The following IL1RAPL1 variants were observed in gnomAD, a reference collection of about 807,000 sequenced individuals.
IL1RAPL1 encodes interleukin 1 receptor accessory protein like 1, also known as interleukin-1 receptor accessory protein-like 1.
Under a neutral mutation model 48.4 loss-of-function variants are expected in IL1RAPL1, and 3 were observed. The ratio of observed to expected loss-of-function variants is 0.06; its 90% CI spans 0.03 to 0.16. The LOEUF (loss-of-function observed/expected upper bound fraction) is 0.16. IL1RAPL1 is among the 10% of genes least tolerant of loss of function. The pLI, the probability that IL1RAPL1 is intolerant of heterozygous loss-of-function variation, is 1.00. For missense variants in IL1RAPL1, 349 were observed against 530.6 expected (o/e 0.66, Z 3.36); for synonymous variants, 185 against 187.7 (o/e 0.99, Z 0.12).
chrX:29,467,466 G>T (rs937527814), intron 5 of IL1RAPL1, among the ~76,000 whole-genome samples: 1 of 112,439 alleles, frequency 8.9e-6, no homozygotes, highest in African/African-American at 3.2e-5. Context: ...ACTTGCGAAG[G>T]GGTCGCTCAC....
chrX:28,672,839 G>T (rs1164778053), intron 1 of IL1RAPL1, among the ~76,000 whole-genome samples: 1 of 111,136 alleles, frequency 9.0e-6, no homozygotes, highest in Non-Finnish European at 1.9e-5. Flanking sequence ...TACAAGTGCA[G>T]GTTTGTTACA....
rs1184946132 is a variant in IL1RAPL1 at position 29,902,725 on chromosome X, T to TTAAC, written c.779-14737_779-14734dup. ...GTACTATAAATTTATATTAACTTAA[T>TTAAC]TAACTCCAAGTTATTTGTTGTTACT... On this transcript the variant is annotated intron_variant, in intron 6 of 10. Coordinates refer to ENST00000378993, the MANE Select transcript of IL1RAPL1 (RefSeq NM_014271.4). 2.7e-5 allele frequency among the ~76,000 whole-genome samples: 3 copies of TTAAC among 111,777 alleles called. No individual in the cohort carries two copies. In the Admixed American group the frequency reaches 2.9e-4, roughly 11 times the overall value.
intron 2 of IL1RAPL1, among the ~76,000 whole-genome samples, chrX:28,823,281 A>G (rs994555023): frequency 9.0e-6 from 1 of 111,395 alleles, no homozygotes; most frequent in African/African-American, 3.3e-5. Context: ...AACTTATGTG[A>G]TTGTTCATTC....
At chrX:29,633,613 T>G (rs1246220177) in intron 5 of IL1RAPL1, among the ~76,000 whole-genome samples, 1 of 111,948 alleles carries the variant, frequency 8.9e-6, no homozygotes, top group Non-Finnish European at 1.9e-5. Flanking sequence ...AGAAATTTAT[T>G]CCCTCACAGT....
chrX:29,389,962 C>G (rs1213364746), intron 3 of IL1RAPL1, among the ~76,000 whole-genome samples: 1 of 111,813 alleles, frequency 8.9e-6, no homozygotes, highest in Non-Finnish European at 1.9e-5. Context: ...TTAGTAGCTA[C>G]AAACATACTG....
intron 2 of IL1RAPL1, among the ~76,000 whole-genome samples, chrX:29,226,756 G>GA (rs137860355): frequency 0.41 from 43,751 of 106,204 alleles, 9,054 homozygotes; most frequent in Non-Finnish European, 0.62. Context: ...TTTAACAGAT[G>GA]AAAAAAAAAC....
At chrX:28,614,628 C>G (rs753873774) in intron 1 of IL1RAPL1, among the ~76,000 whole-genome samples, 35 of 110,738 alleles carry the variant, frequency 3.2e-4, no homozygotes, top group African/African-American at 1.1e-3. Flanking sequence ...GATGATGGGC[C>G]ACATATGACC....
At chrX:29,155,949 CTAA>C (rs1052899639) in intron 2 of IL1RAPL1, among the ~76,000 whole-genome samples, 1 of 110,233 alleles carries the variant, frequency 9.1e-6, no homozygotes, top group African/African-American at 3.3e-5. Context: ...ATACAGGAAT[CTAA>C]TAATTTATAG....
chrX:29,852,831 G>A (rs777117177), intron 6 of IL1RAPL1, among the ~76,000 whole-genome samples: 4 of 111,818 alleles, frequency 3.6e-5, no homozygotes, highest in Non-Finnish European at 7.5e-5. Context: ...AAACAAAAAT[G>A]AGCAAGGCAA....
intron 1 of IL1RAPL1, among the ~76,000 whole-genome samples, chrX:28,761,086 C>CAA (rs34538764): frequency 0.012 from 1,046 of 89,259 alleles, 19 homozygotes; most frequent in African/African-American, 0.038. Flanking sequence ...GACTCCTTCT[C>CAA]AAAAAAAAAA....
At chrX:28,847,239 G>A (rs1002449905) in intron 2 of IL1RAPL1, among the ~76,000 whole-genome samples, 10 of 110,777 alleles carry the variant, frequency 9.0e-5, no homozygotes, top group Non-Finnish European at 1.9e-4. Flanking sequence ...TTGAAAAGAA[G>A]AGTTGAATGG....
intron 5 of IL1RAPL1, among the ~76,000 whole-genome samples, chrX:29,541,612 G>T (rs903663055): frequency 8.9e-6 from 1 of 111,846 alleles, no homozygotes; most frequent in African/African-American, 3.3e-5. Context: ...GCCATAAAAA[G>T]AATTAAATGT....
intron 5 of IL1RAPL1, among the ~76,000 whole-genome samples, chrX:29,592,690 A>G (rs1464731786): frequency 1.8e-5 from 2 of 111,855 alleles, no homozygotes; most frequent in Non-Finnish European, 3.8e-5. Flanking sequence ...AGTTCCCTAT[A>G]TGAATAATGC....
At chrX:29,789,412 A>T (rs1273738582) in intron 6 of IL1RAPL1, among the ~76,000 whole-genome samples, 1 of 111,482 alleles carries the variant, frequency 9.0e-6, no homozygotes, top group African/African-American at 3.3e-5. Flanking sequence ...TTGAACCCTG[A>T]ACTCATTCAG....
chrX:29,103,957 A>C (rs1351790177), intron 2 of IL1RAPL1, among the ~76,000 whole-genome samples: 1 of 112,034 alleles, frequency 8.9e-6, no homozygotes, highest in Non-Finnish European at 1.9e-5. Flanking sequence ...GTTTTATCCA[A>C]AAGACAGGCA....
At chrX:29,653,640 A>G (rs913447367) in intron 5 of IL1RAPL1, among the ~76,000 whole-genome samples, 1 of 111,104 alleles carries the variant, frequency 9.0e-6, no homozygotes, top group African/African-American at 3.3e-5. Context: ...ATGACTTGTG[A>G]TAGACTTGTT....
chrX:29,340,322 G>A (rs540430371), intron 3 of IL1RAPL1, among the ~76,000 whole-genome samples: 6 of 110,933 alleles, frequency 5.4e-5, no homozygotes, highest in African/African-American at 1.3e-4. Flanking sequence ...CATTAAGCAG[G>A]TGTGTTCCCC....
intron 1 of IL1RAPL1, among the ~76,000 whole-genome samples, chrX:28,713,953 G>A (rs1188719866): frequency 3.6e-5 from 4 of 111,826 alleles, no homozygotes; most frequent in Non-Finnish European, 7.5e-5. Flanking sequence ...TGCCAATATC[G>A]TTTTAATAGA....
At position 28,896,992 on chromosome X, in the gene IL1RAPL1, G is replaced by A. The variant is rs775619722; in HGVS notation, c.82+107567G>A. Among the ~76,000 whole-genome samples, 4 of 111,118 alleles carry A rather than the reference G, an allele frequency of 3.6e-5. No individual in the cohort carries two copies. The South Asian group carries it at 1.1e-3, about 32-fold the overall frequency. ...TGTATTGGGGTCAAGCGGCATTGTA[G>A]AAGAAAATAAGGCGTTTAGGTTTTA... On this transcript the variant is annotated intron_variant, in intron 2 of 10. Coordinates refer to ENST00000378993, the MANE Select transcript of IL1RAPL1 (RefSeq NM_014271.4).
Sources: allele counts gnomAD v4.1 joint callset (sites outside exome capture counted in the v4.1 genomes callset), GRCh38; gene constraint gnomAD v4.1.1; transcripts MANE v1.5; gene names NCBI Gene and HGNC (gene_info 2026-07-23, HGNC 2026-07-21).